The following CORO7 variants were observed in gnomAD, a reference collection of about 807,000 sequenced individuals.
CORO7 encodes the protein coronin 7, also known as coronin-7.
CORO7 carries 107 observed loss-of-function variants against 126.6 expected under a neutral mutation model. The observed-to-expected ratio is 0.85, with a 90% CI of 0.72 to 0.99. The LOEUF (loss-of-function observed/expected upper bound fraction) is 0.99, where lower values mean the gene tolerates loss of function less well. CORO7 is among the 50% of genes least tolerant of loss of function. The pLI, the probability that CORO7 is intolerant of heterozygous loss-of-function variation, is 0.00. For missense variants in CORO7, 1,314 were observed against 1,255.8 expected, an observed-to-expected ratio of 1.05 and a Z score of -0.70; for synonymous variants, 603 against 536.8, an observed-to-expected ratio of 1.12 and a Z score of -1.70.
chr16:4,413,419 T>C lies in CORO7; in HGVS notation c.61-15A>G. ...CTGATCCAGGACTGAAAATCAAGAG[T>C]AAAGAAGTATGTGGTGAGAGCCAGG... On this transcript the variant is annotated splice_polypyrimidine_tract_variant and intron_variant, in intron 1 of 27. Coordinates refer to ENST00000251166, the MANE Select transcript of CORO7 (RefSeq NM_024535.5). 1.3e-6 allele frequency: 2 copies of C among 1,557,910 alleles called. No homozygotes were observed. Among genetic ancestry groups the C allele is most frequent in the Non-Finnish European group, 8.7e-7 (1 of 1,149,688 alleles).
rs1420327082 is a variant in CORO7, at chr16:4,358,053, C to A, written c.2508G>T (p.Glu836Asp). The stretch of plus-strand genomic sequence containing the variant: ...GCCAGGCCTCGGCACTGAGCACAGG[C>A]TCCCAGATCACAGCCGTGTCTGGGA... ...DVFPDTAVIW[E>D]PVLSAEAWLQ... Residue 836 changes from glutamate to aspartate, a missense_variant, in exon 25 of 28, where the codon GAG (glutamate) becomes GAT (aspartate). Physicochemically the swap from Glu to Asp is conservative, Grantham distance 45 (BLOSUM62 2). Transcript: ENST00000251166. The A allele has an allele frequency of 1.1e-5, 17 of 1,613,432 alleles. No individual in the cohort carries two copies. Among genetic ancestry groups the A allele is most frequent in the Non-Finnish European group, 1.1e-5 (13 of 1,179,698 alleles).
chr16:4,412,623 T>C (rs541004763), intron 2 of CORO7, 193 bp from the exon 3 acceptor site: 102 of 597,180 alleles, frequency 1.7e-4, no homozygotes, highest in African/African-American at 1.4e-3. Flanking sequence ...GAGCCATCCA[T>C]GCCTCAGATG....
intron 19 of CORO7, 138 bp downstream of exon 19, chr16:4,360,805 G>A: frequency 1.4e-6 from 2 of 1,454,446 alleles, no homozygotes; most frequent in Non-Finnish European, 1.8e-6. Flanking sequence ...TCTCCTCACT[G>A]CTGGCCCCAC....
At chr16:4,357,933 C>T in intron 25 of CORO7, 35 bp downstream of exon 25, 1 of 1,575,864 alleles carries the variant, frequency 6.3e-7, no homozygotes, top group South Asian at 1.1e-5. Flanking sequence ...CAACCCCCAT[C>T]CCGCTTCCTC....
At position 4,416,439 on chromosome 16, in the gene CORO7, G is replaced by T; in HGVS notation, c.60+20C>A. 6.4e-7 allele frequency: 1 copy of T among 1,559,528 alleles called. No individual in the cohort carries two copies. The highest frequency in any genetic ancestry group is 1.4e-5 in the African/African-American group (1 of 70,456). ...GACGGGGCCCGAGGCGACAGCGCCC[G>T]GTCCTCGGGCCGGACTCACCTCGCG... On this transcript the variant is annotated intron_variant, in intron 1 of 27. Coordinates refer to ENST00000251166, the MANE Select transcript of CORO7 (RefSeq NM_024535.5).
rs1296228792 is a variant in CORO7, at chr16:4,364,431, G to A, written c.1138-18C>T. 5.4e-6 allele frequency: 8 copies of A among 1,492,872 alleles called. No homozygotes were observed. Among genetic ancestry groups the A allele is most frequent in the African/African-American group, 1.4e-5 (1 of 71,480 alleles). 92.5% of individuals were successfully genotyped at this position (1,492,872 alleles called of 1,614,324 possible). A position where few individuals can be genotyped will look rare whatever the true frequency, so the allele number is the denominator to read the frequency against. ...TTCTGCACCTGCATGGAGGCCGGCA[G>A]TGGGGAGATGGGGGCATGGGCTGCC... On this transcript the variant is annotated intron_variant, in intron 13 of 27. Transcript: ENST00000251166.
intron 9 of CORO7, chr16:4,381,819 CGA>C: frequency 1.2e-6 from 2 of 1,600,670 alleles, no homozygotes; most frequent in Non-Finnish European, 1.7e-6. Context: ...CCTGGGTGCG[CGA>C]GAGCCACGTC....
At chr16:4,361,620 T>C in intron 16 of CORO7, 151 bp from the exon 17 acceptor site, 1 of 976,998 alleles carries the variant, frequency 1.0e-6, no homozygotes, top group Non-Finnish European at 1.6e-6. Flanking sequence ...CCTGACCACC[T>C]TGCGCTCTGA....
At chr16:4,404,054 C>T (rs112765443) in intron 6 of CORO7, among the ~76,000 whole-genome samples, 5 of 152,308 alleles carry the variant, frequency 3.3e-5, no homozygotes, top group African/African-American at 4.8e-5. Flanking sequence ...CTCTGCTCAA[C>T]GCACACCACA....
At chr16:4,379,177 G>A (rs1253375371) in intron 9 of CORO7, among the ~76,000 whole-genome samples, 1 of 152,102 alleles carries the variant, frequency 6.6e-6, no homozygotes, top group East Asian at 1.9e-4. Flanking sequence ...TGGACTACCT[G>A]CACAGCCTGT....
At chr16:4,381,880 G>A (rs1280763007) in intron 9 of CORO7, 9 of 1,604,328 alleles carry the variant, frequency 5.6e-6, no homozygotes, top group Admixed American at 1.7e-5. Context: ...GCCCAAGAAC[G>A]CTGGCCGGCT....
rs759073485 is a variant in CORO7, at chr16:4,381,157, G to A, written c.785+6829C>T. On this transcript the variant is annotated intron_variant, in intron 9 of 27. Coordinates refer to ENST00000251166, the MANE Select transcript of CORO7 (RefSeq NM_024535.5). ...GAACCAGATCGCCAGCCTGCCCAGC[G>A]GGGTCTTCCAGCCACTCGCCAACCT... 18 of 1,611,140 alleles carry A rather than the reference G, an allele frequency of 1.1e-5. No individual in the cohort carries two copies. Among genetic ancestry groups the A allele is most frequent in the East Asian group, 2.2e-5 (1 of 44,764 alleles).
chr16:4,360,318 C>T lies in CORO7; in HGVS notation c.2068G>A (p.Val690Ile). Residue 690 changes from valine to isoleucine, a missense_variant, in exon 21 of 28, where the codon GTA becomes ATA. By Grantham distance (29) the Val-to-Ile change is conservative. Transcript: ENST00000251166. ...ACCAGCAGACAGCGACCATCACATA[C>T]CCAGACAATGCGAGCTCCGCGTCCT... ...KGGRGARIVW[V>I]CDGRCLLVSG... 2 of 1,613,702 alleles carry T rather than the reference C, an allele frequency of 1.2e-6. No homozygotes were observed. Among genetic ancestry groups the T allele is most frequent in the Non-Finnish European group, 1.7e-6 (2 of 1,179,980 alleles).
At chr16:4,408,890 G>A (rs921049527) in intron 3 of CORO7, among the ~76,000 whole-genome samples, 11 of 152,184 alleles carry the variant, frequency 7.2e-5, no homozygotes, top group Admixed American at 1.3e-4. Context: ...TTGAACTCAG[G>A]AGGCAGAAGT....
intron 23 of CORO7, 56 bp from the exon 24 acceptor site, chr16:4,358,539 A>G (rs1307812010): frequency 2.7e-6 from 4 of 1,506,432 alleles, no homozygotes; most frequent in African/African-American, 1.4e-5. Context: ...ATGGCTGGGC[A>G]CGTAGTCTCC....
chr16:4,391,955 C>A (rs768051677), intron 7 of CORO7, among the ~76,000 whole-genome samples: 4 of 152,224 alleles, frequency 2.6e-5, no homozygotes, highest in Non-Finnish European at 5.9e-5. Flanking sequence ...GCCCCTTCAT[C>A]ACCATGGCGA....
intron 9 of CORO7, among the ~76,000 whole-genome samples, chr16:4,376,114 G>A (rs562951604): frequency 6.2e-4 from 94 of 152,292 alleles, no homozygotes; most frequent in African/African-American, 2.1e-3. Context: ...TCTACCTGCC[G>A]CAGTCCCTGA....
At chr16:4,376,537 C>T (rs993085392) in intron 9 of CORO7, among the ~76,000 whole-genome samples, 4 of 152,150 alleles carry the variant, frequency 2.6e-5, no homozygotes, top group Non-Finnish European at 5.9e-5. Context: ...GCAGGCACAC[C>T]GCCTGCCCCA....
intron 7 of CORO7, among the ~76,000 whole-genome samples, chr16:4,393,149 C>CCGGTAGGT (rs773530713): frequency 2.0e-5 from 3 of 152,172 alleles, no homozygotes; most frequent in African/African-American, 7.2e-5. Flanking sequence ...AGAGCCATGC[C>CCGGTAGGT]CGGTAGGTCG....
Sources: gnomAD v4.1 joint callset for allele counts (sites outside exome capture counted in the v4.1 genomes callset) on GRCh38, gnomAD v4.1.1 for gene constraint, MANE v1.5 for transcripts, NCBI Gene and HGNC (gene_info 2026-07-23, HGNC 2026-07-21) for gene names.